Variants in CACNB2 observed in about 807,000 individuals in gnomAD.
CACNB2 encodes calcium voltage-gated channel auxiliary subunit beta 2, also known as voltage-dependent L-type calcium channel subunit beta-2.
Under a neutral mutation model 73.3 loss-of-function variants are expected in CACNB2, and 42 were observed. That is an observed-to-expected ratio of 0.57 (90% CI 0.45 to 0.74). The LOEUF (loss-of-function observed/expected upper bound fraction) is 0.74, where lower values mean the gene tolerates loss of function less well. Among genes scored for constraint, CACNB2 ranks in the 30% least tolerant of loss-of-function variants. CACNB2 has a pLI of 0.00. For synonymous variants in CACNB2, 348 were observed against 310.3 expected (o/e 1.12, Z -1.28); for missense variants, 940 against 853.0 (o/e 1.10, Z -1.27).
At chr10:18,144,640 T>C (rs923682881) in intron 1 of CACNB2, among the ~76,000 whole-genome samples, 5 of 152,206 alleles carry the variant, frequency 3.3e-5, no homozygotes, top group African/African-American at 9.6e-5. Context: ...TGAACTGATA[T>C]GTGCTGTAAA....
At chr10:18,276,550 G>A (rs1169544763) in intron 2 of CACNB2, among the ~76,000 whole-genome samples, 5 of 152,022 alleles carry the variant, frequency 3.3e-5, no homozygotes, top group Non-Finnish European at 7.4e-5. Flanking sequence ...ACCCAGCTCT[G>A]TAATCCCAGA....
At chr10:18,388,237 A>G (rs2043316146) in intron 2 of CACNB2, among the ~76,000 whole-genome samples, 1 of 152,228 alleles carries the variant, frequency 6.6e-6, no homozygotes, top group Non-Finnish European at 1.5e-5. Context: ...TAGGATATAA[A>G]CTACTTTTGA....
rs377657305 is a variant in CACNB2 at position 18,539,381 on chromosome 10, G to A, written c.1640G>A (p.Arg547His). ...CACAACCATCGCAGTGGGACAAGTC[G>A]CGGCCTCTCCAGGCAAGAGACATTT... ...PHHNHRSGTSRGLSRQETFDS... is the reference protein window; with the variant it reads ...PHHNHRSGTSHGLSRQETFDS... Residue 547 changes from arginine to histidine, a missense_variant, in exon 14 of 14, where the codon CGC (arginine) becomes CAC (histidine). Transcript: ENST00000324631. 79 of 1,614,038 alleles carry A rather than the reference G, an allele frequency of 4.9e-5. No individual in the cohort carries two copies. In the African/African-American group the frequency reaches 6.9e-4, roughly 14 times the overall value.
At chr10:18,230,087 A>G (rs1303037842) in intron 2 of CACNB2, among the ~76,000 whole-genome samples, 2 of 152,210 alleles carry the variant, frequency 1.3e-5, no homozygotes, top group Non-Finnish European at 2.9e-5. Context: ...ATATTACAGC[A>G]TCATCTGTAC....
At chr10:18,341,650 T>TAGAGCCCGTAAAAATA (rs1194127691) in intron 2 of CACNB2, among the ~76,000 whole-genome samples, 1 of 152,170 alleles carries the variant, frequency 6.6e-6, no homozygotes, top group Non-Finnish European at 1.5e-5. Context: ...ATAAAAGTCA[T>TAGAGCCCGTAAAAATA]AAAGTTACAA....
chr10:18,166,039 C>T lies in CACNB2; in HGVS notation c.213+15064C>T, dbSNP rs192083567. On this transcript the variant is annotated intron_variant, in intron 2 of 13. Transcript: ENST00000324631. Reference sequence around the variant, plus strand: ...TGTAAATATCAATTGATCTTATATTCGTAATATATATGACTGTATATGTAC... The same window carrying T: ...TGTAAATATCAATTGATCTTATATTTGTAATATATATGACTGTATATGTAC... Among the ~76,000 whole-genome samples the T allele has an allele frequency of 3.0e-4, 46 of 152,146 alleles. No individual in the cohort carries two copies. The East Asian group carries it at 6.0e-3, about 20-fold the overall frequency.
Position 18,540,840 on chromosome 10 carries a change from G to A in CACNB2, c.*1116G>A, listed in dbSNP as rs2054034670. 6.6e-6 allele frequency: 1 copy of A among 152,610 alleles called. No individual in the cohort carries two copies. 9.5% of individuals were successfully genotyped at this position (152,610 alleles called of 1,614,324 possible). ...TCGAGCATTCTGCCCACCTCGCTCT[G>A]TATTTAATTAATTGTGCTATATGTT... On this transcript the variant is annotated 3_prime_UTR_variant, in exon 14 of 14. Transcript: ENST00000324631.
chr10:18,289,705 C>G (rs530908117), intron 2 of CACNB2, among the ~76,000 whole-genome samples: 69 of 152,214 alleles, frequency 4.5e-4, no homozygotes, highest in African/African-American at 1.6e-3. Flanking sequence ...GGATGGATGG[C>G]ACAGAGTTAT....
At chr10:18,232,752 A>T (rs755442834) in intron 2 of CACNB2, among the ~76,000 whole-genome samples, 2 of 152,126 alleles carry the variant, frequency 1.3e-5, no homozygotes, top group Non-Finnish European at 2.9e-5. Flanking sequence ...TTTTTTGTGT[A>T]TTCGTTACAA....
At chr10:18,536,575 T>G (rs2133309721) in intron 12 of CACNB2, among the ~76,000 whole-genome samples, 1 of 152,246 alleles carries the variant, frequency 6.6e-6, no homozygotes, top group East Asian at 1.9e-4. Context: ...ACTGGCATTA[T>G]ATTTTGAAAA....
chr10:18,393,187 T>TGAAAGAGTGA (rs2043561615), intron 2 of CACNB2, among the ~76,000 whole-genome samples: 1 of 150,336 alleles, frequency 6.7e-6, no homozygotes, highest in African/African-American at 2.5e-5. Context: ...CCAGCCTGGA[T>TGAAAGAGTGA]GACTCCATGT....
intron 3 of CACNB2, among the ~76,000 whole-genome samples, chr10:18,446,426 T>A (rs10828705): frequency 1.3e-5 from 2 of 152,088 alleles, no homozygotes; most frequent in East Asian, 1.9e-4. Context: ...GTTGCAATAC[T>A]TGGGCAGTAA....
intron 2 of CACNB2, among the ~76,000 whole-genome samples, chr10:18,359,771 A>C (rs187295190): frequency 1.0e-3 from 157 of 150,110 alleles, no homozygotes; most frequent in African/African-American, 3.8e-3. Context: ...ACCCCCCAGC[A>C]GTCCCCAGTG....
rs114245384 is a variant in CACNB2 at position 18,278,144 on chromosome 10, A to G, written c.214-123780A>G. Among the ~76,000 whole-genome samples the G allele has an allele frequency of 1.5e-3, 233 of 152,348 alleles. 1 individual carries two copies. Among genetic ancestry groups the G allele is most frequent in the African/African-American group, 5.2e-3 (217 of 41,584 alleles). On this transcript the variant is annotated intron_variant, in intron 2 of 13. Coordinates refer to ENST00000324631, the MANE Select transcript of CACNB2 (RefSeq NM_201596.3). ...TTTTAAGATTAATTATATAACTGCT[A>G]TGCATACATCATGACGAAAGAAATG...
Position 18,398,793 on chromosome 10 carries a change from A to G in CACNB2, c.214-3131A>G, listed in dbSNP as rs576732106. 7.0e-4 allele frequency among the ~76,000 whole-genome samples: 107 copies of G among 152,222 alleles called. 2 individuals are homozygous for G. The South Asian group carries it at 0.01, about 15-fold the overall frequency. On this transcript the variant is annotated intron_variant, in intron 2 of 13. Coordinates refer to ENST00000324631, the MANE Select transcript of CACNB2 (RefSeq NM_201596.3). ...TCCAGCTCTTTCTATGCTTCTATGAACTACTCTAAAGATCAATTGGTAGTC... is the reference window on the plus strand; with the variant it reads ...TCCAGCTCTTTCTATGCTTCTATGAGCTACTCTAAAGATCAATTGGTAGTC...
intron 2 of CACNB2, among the ~76,000 whole-genome samples, chr10:18,391,798 C>T (rs958248585): frequency 1.3e-5 from 2 of 151,342 alleles, no homozygotes; most frequent in African/African-American, 4.9e-5. Flanking sequence ...CATGGTGGTG[C>T]GCACCTATAG....
intron 2 of CACNB2, among the ~76,000 whole-genome samples, chr10:18,355,758 C>T (rs545469344): frequency 1.3e-5 from 2 of 151,928 alleles, no homozygotes; most frequent in South Asian, 4.2e-4. Flanking sequence ...GCCTCAGCCT[C>T]CCGAGTAGCT....
intron 2 of CACNB2, among the ~76,000 whole-genome samples, chr10:18,197,474 C>G (rs2034676990): frequency 6.6e-6 from 1 of 152,156 alleles, no homozygotes; most frequent in African/African-American, 2.4e-5. Flanking sequence ...TCCAAGCACC[C>G]CAGTGTGTTT....
chr10:18,532,692 A>AAAAAC lies in CACNB2; in HGVS notation c.1055-1374_1055-1370dup, dbSNP rs774665646. On this transcript the variant is annotated intron_variant, in intron 10 of 13. Coordinates refer to ENST00000324631, the MANE Select transcript of CACNB2 (RefSeq NM_201596.3). ...ACTCTGTCTCAAAAAAAAAAAAAAA[A>AAAAAC]AAAACAAAACAAAAAAACAAACAAA... Among the ~76,000 whole-genome samples the AAAAAC allele has an allele frequency of 1.9e-4, 17 of 87,516 alleles. No homozygotes were observed. The South Asian group carries it at 2.7e-3, about 14-fold the overall frequency. 57.4% of individuals were successfully genotyped at this position (87,516 alleles called of 152,430 possible). A position where few individuals can be genotyped will look rare whatever the true frequency, so the allele number is the denominator to read the frequency against.
Sources: gnomAD v4.1 joint callset for allele counts (sites outside exome capture counted in the v4.1 genomes callset) on GRCh38, gnomAD v4.1.1 for gene constraint, MANE v1.5 for transcripts, NCBI Gene and HGNC (gene_info 2026-07-23, HGNC 2026-07-21) for gene names.